Variants in ROR1 observed in about 807,000 individuals in gnomAD.
ROR1 encodes inactive tyrosine-protein kinase transmembrane receptor ROR1.
ROR1 carries 19 observed loss-of-function variants against 78.8 expected under a neutral mutation model. That is an observed-to-expected ratio of 0.24 (90% CI 0.17 to 0.35). The LOEUF is 0.35. ROR1 is among the 10% of genes least tolerant of loss of function. ROR1 has a pLI of 1.00. For synonymous variants in ROR1, 386 were observed against 433.6 expected (o/e 0.89, Z 1.36); for missense variants, 917 against 1,177.8 (o/e 0.78, Z 3.24).
chr1:63,916,140 C>T (rs1397889860), intron 1 of ROR1, among the ~76,000 whole-genome samples: 1 of 152,210 alleles, frequency 6.6e-6, no homozygotes, highest in Non-Finnish European at 1.5e-5. Context: ...TTGAAATATC[C>T]TCTGGCTCTG....
Position 63,931,890 on chromosome 1 carries a change from G to A in ROR1, c.92-77415G>A, listed in dbSNP as rs188060513. ...CTCTTACTGTTCCTAATTTATAAAT[G>A]ATACTTTATCACAGGTATGTGTGTA... is the stretch of plus-strand genomic sequence containing the variant. On this transcript the variant is annotated intron_variant, in intron 1 of 8. Coordinates refer to ENST00000371079, the MANE Select transcript of ROR1 (RefSeq NM_005012.4). 1.5e-3 allele frequency among the ~76,000 whole-genome samples: 227 copies of A among 152,256 alleles called. 2 individuals are homozygous for A. The highest frequency in any genetic ancestry group is 3.4e-3 in the Middle Eastern group (1 of 294).
chr1:63,823,076 A>G (rs1461594297), intron 1 of ROR1, among the ~76,000 whole-genome samples: 2 of 152,046 alleles, frequency 1.3e-5, no homozygotes, highest in Admixed American at 6.5e-5. Flanking sequence ...ATTGTTATTT[A>G]AGTTAATATA....
At chr1:63,923,876 C>T (rs1035766764) in intron 1 of ROR1, among the ~76,000 whole-genome samples, 5 of 151,728 alleles carry the variant, frequency 3.3e-5, no homozygotes, top group African/African-American at 7.3e-5. Flanking sequence ...TCGGTCATGA[C>T]GGCCTTCTTT....
intron 1 of ROR1, among the ~76,000 whole-genome samples, chr1:63,929,050 A>T (rs996456174): frequency 2.0e-4 from 30 of 152,188 alleles, no homozygotes; most frequent in Non-Finnish European, 1.6e-4. Context: ...TTATACTAGC[A>T]AACACACAAA....
intron 4 of ROR1, among the ~76,000 whole-genome samples, chr1:64,131,916 C>T (rs939600995): frequency 6.6e-6 from 1 of 152,138 alleles, no homozygotes; most frequent in African/African-American, 2.4e-5. Context: ...CCACTGCACC[C>T]AGCCAGAATT....
At chr1:63,892,927 C>T (rs1645409538) in intron 1 of ROR1, among the ~76,000 whole-genome samples, 1 of 152,068 alleles carries the variant, frequency 6.6e-6, no homozygotes, top group Non-Finnish European at 1.5e-5. Flanking sequence ...AAGCACAGGC[C>T]CTTCAGTGGC....
intron 1 of ROR1, among the ~76,000 whole-genome samples, chr1:63,803,346 ATT>A (rs535867406): frequency 3.4e-5 from 5 of 145,530 alleles, no homozygotes; most frequent in Non-Finnish European, 3.0e-5. Context: ...TCTCCATCAA[ATT>A]TTTTTTTTTT....
Position 64,053,915 on chromosome 1 carries a change from G to T in ROR1, c.482+3199G>T, listed in dbSNP as rs76186986. 9.2e-3 allele frequency among the ~76,000 whole-genome samples: 1,375 copies of T among 149,164 alleles called. 13 individuals are homozygous for T. Among genetic ancestry groups the T allele is most frequent in the Non-Finnish European group, 0.012 (848 of 67,958 alleles). On this transcript the variant is annotated intron_variant, in intron 4 of 8. Coordinates refer to ENST00000371079, the MANE Select transcript of ROR1 (RefSeq NM_005012.4). ...CAGTGTATATTCTATTGATAACATC[G>T]CTAAATTAGACAAATTTGTTTTTCT...
chr1:63,897,042 A>C (rs1022972091), intron 1 of ROR1, among the ~76,000 whole-genome samples: 1 of 152,220 alleles, frequency 6.6e-6, no homozygotes, highest in African/African-American at 2.4e-5. Context: ...TGTTATTAAC[A>C]GTATTTTCTG....
At chr1:64,118,355 G>T (rs1648393875) in intron 4 of ROR1, among the ~76,000 whole-genome samples, 1 of 151,928 alleles carries the variant, frequency 6.6e-6, no homozygotes, top group Non-Finnish European at 1.5e-5. Flanking sequence ...CTGGCCGGGT[G>T]CTGTGGCTCA....
At chr1:63,916,259 A>G (rs1297504589) in intron 1 of ROR1, among the ~76,000 whole-genome samples, 3 of 152,208 alleles carry the variant, frequency 2.0e-5, no homozygotes, top group Non-Finnish European at 4.4e-5. Flanking sequence ...GTTGAAGGCA[A>G]GAGGATACAA....
chr1:63,859,450 T>G (rs1305944921), intron 1 of ROR1, among the ~76,000 whole-genome samples: 1 of 146,664 alleles, frequency 6.8e-6, no homozygotes, highest in African/African-American at 2.8e-5. Context: ...ACATGTTGAT[T>G]CTAGTGCCCA....
intron 1 of ROR1, among the ~76,000 whole-genome samples, chr1:63,817,362 A>T (rs1644898296): frequency 1.3e-5 from 2 of 152,222 alleles, no homozygotes; most frequent in Admixed American, 1.3e-4. Context: ...GTTGAGCTTT[A>T]ACTTAAAATT....
chr1:64,064,675 CA>C (rs1646942917), intron 4 of ROR1, among the ~76,000 whole-genome samples: 1 of 152,184 alleles, frequency 6.6e-6, no homozygotes, highest in African/African-American at 2.4e-5. Flanking sequence ...GCCCAACCTT[CA>C]GGTAGAACAT....
intron 1 of ROR1, among the ~76,000 whole-genome samples, chr1:63,790,170 T>G (rs528668621): frequency 5.8e-4 from 89 of 152,358 alleles, no homozygotes; most frequent in African/African-American, 2.0e-3. Context: ...GACTATTTTT[T>G]GGGATCTTCT....
At chr1:64,100,953 A>T (rs1199146181) in intron 4 of ROR1, among the ~76,000 whole-genome samples, 1 of 152,184 alleles carries the variant, frequency 6.6e-6, no homozygotes, top group African/African-American at 2.4e-5. Flanking sequence ...TGATTAGGCC[A>T]AGTTACTTGG....
chr1:63,793,952 C>T (rs1209966140), intron 1 of ROR1, among the ~76,000 whole-genome samples: 2 of 152,144 alleles, frequency 1.3e-5, no homozygotes, highest in East Asian at 1.9e-4. Flanking sequence ...GGGAAAGACT[C>T]CTGTCTCCGT....
intron 1 of ROR1, among the ~76,000 whole-genome samples, chr1:63,782,619 G>A (rs1347895972): frequency 6.7e-6 from 1 of 148,646 alleles, no homozygotes; most frequent in African/African-American, 2.5e-5. Flanking sequence ...AAATCAGTGT[G>A]TGGTGAGATC....
rs373725095 is a variant in ROR1 at position 63,775,631 on chromosome 1, T to C, written c.91+1123T>C. ...GAAAAAGTTCTGCGCTACTTAGCAG[T>C]TGAGAGGAAAAAGATGTATTCACTA... is the stretch of plus-strand genomic sequence containing the variant. On this transcript the variant is annotated intron_variant, in intron 1 of 8. Coordinates refer to ENST00000371079, the MANE Select transcript of ROR1 (RefSeq NM_005012.4). Among the ~76,000 whole-genome samples, 16 of 152,284 alleles carry C rather than the reference T, an allele frequency of 1.1e-4. No homozygotes were observed. The East Asian group carries it at 2.1e-3, about 20-fold the overall frequency.
Sources: allele counts gnomAD v4.1 joint callset (sites outside exome capture counted in the v4.1 genomes callset), GRCh38; gene constraint gnomAD v4.1.1; transcripts MANE v1.5; gene names NCBI Gene and HGNC (gene_info 2026-07-23, HGNC 2026-07-21).